Variants in RAP1A observed in about 807,000 individuals in gnomAD.
RAP1A encodes ras-related protein Rap-1A.
In RAP1A, 6 loss-of-function variants were observed where a neutral mutation model predicts 26.4. The observed-to-expected ratio is 0.23, with a 90% CI of 0.12 to 0.45. RAP1A has a LOEUF of 0.45. Among genes scored for constraint, RAP1A ranks in the 20% least tolerant of loss-of-function variants. RAP1A has a pLI of 0.99. For missense variants in RAP1A, 121 were observed against 217.2 expected (o/e 0.56, Z 2.78); for synonymous variants, 73 against 79.4 (o/e 0.92, Z 0.43).
At chr1:111,662,955 G>A (rs1346490943) in intron 1 of RAP1A, among the ~76,000 whole-genome samples, 5 of 152,206 alleles carry the variant, frequency 3.3e-5, no homozygotes, top group Admixed American at 6.5e-5. Flanking sequence ...TTGCTCTGTC[G>A]CCAGGCTGGA....
chr1:111,648,797 CT>C, intron 1 of RAP1A: 1 of 659,300 alleles, frequency 1.5e-6, no homozygotes, highest in Non-Finnish European at 2.8e-6. Flanking sequence ...CCTGTCGATT[CT>C]TTCAAGCCAG....
At chr1:111,707,614 A>G (rs902786633) in intron 6 of RAP1A, among the ~76,000 whole-genome samples, 2 of 152,236 alleles carry the variant, frequency 1.3e-5, no homozygotes, top group Non-Finnish European at 2.9e-5. Context: ...TGTCCCTGTA[A>G]TGCTCCTTAA....
intron 7 of RAP1A, among the ~76,000 whole-genome samples, chr1:111,710,716 G>A: frequency 6.6e-6 from 1 of 152,182 alleles, no homozygotes; most frequent in East Asian, 1.9e-4. Flanking sequence ...GGTACATAGA[G>A]GAAAAATGGG....
chr1:111,665,575 CACTTT>C (rs1490516163), intron 1 of RAP1A, among the ~76,000 whole-genome samples: 1 of 152,142 alleles, frequency 6.6e-6, no homozygotes, highest in East Asian at 1.9e-4. Context: ...GAAGAATATT[CACTTT>C]ACTTAAGTAG....
intron 1 of RAP1A, among the ~76,000 whole-genome samples, chr1:111,578,527 C>G (rs1043476463): frequency 6.6e-6 from 1 of 151,928 alleles, no homozygotes; most frequent in Non-Finnish European, 1.5e-5. Context: ...TACATATGAA[C>G]TCACTACTAA....
intron 1 of RAP1A, among the ~76,000 whole-genome samples, chr1:111,624,201 A>G (rs1659319561): frequency 1.3e-5 from 2 of 152,194 alleles, no homozygotes; most frequent in African/African-American, 4.8e-5. Flanking sequence ...CTGATGTCAT[A>G]TAATTGCTGC....
intron 7 of RAP1A, among the ~76,000 whole-genome samples, chr1:111,710,781 C>T (rs1662360102): frequency 6.6e-6 from 1 of 152,224 alleles, no homozygotes; most frequent in African/African-American, 2.4e-5. Context: ...TTAGGAAAGA[C>T]AGCATCTGGC....
chr1:111,557,499 G>A (rs940622455), intron 1 of RAP1A, among the ~76,000 whole-genome samples: 8 of 150,780 alleles, frequency 5.3e-5, no homozygotes, highest in African/African-American at 1.7e-4. Context: ...GCAGTGAGCC[G>A]AGATCACACC....
intron 1 of RAP1A, chr1:111,627,418 T>G (rs1659433317): frequency 6.6e-6 from 1 of 152,146 alleles, no homozygotes; most frequent in Non-Finnish European, 1.5e-5. Context: ...GGACAGACAT[T>G]TTTTGTACAT....
At chr1:111,678,762 G>GTTTT (rs59251403) in intron 1 of RAP1A, among the ~76,000 whole-genome samples, 1 of 145,736 alleles carries the variant, frequency 6.9e-6, no homozygotes, top group African/African-American at 2.5e-5. Context: ...GTTCAGGTGG[G>GTTTT]TTTTTTTTTT....
intron 1 of RAP1A, among the ~76,000 whole-genome samples, chr1:111,686,112 C>T (rs986544492): frequency 1.2e-4 from 9 of 77,268 alleles, no homozygotes; most frequent in African/African-American, 4.6e-4. Flanking sequence ...GGTCACACGC[C>T]GGGGCCTGTC....
chr1:111,668,050 T>C (rs1660853566), intron 1 of RAP1A, among the ~76,000 whole-genome samples: 1 of 152,238 alleles, frequency 6.6e-6, no homozygotes, highest in Non-Finnish European at 1.5e-5. Flanking sequence ...TCACAAATGT[T>C]GGCACTAAGT....
At chr1:111,570,257 T>C (rs1050264457) in intron 1 of RAP1A, among the ~76,000 whole-genome samples, 2 of 152,198 alleles carry the variant, frequency 1.3e-5, no homozygotes, top group African/African-American at 4.8e-5. Context: ...TCCTATTGTC[T>C]GTGTGCCTGA....
intron 4 of RAP1A, among the ~76,000 whole-genome samples, chr1:111,699,488 G>C (rs1295315081): frequency 7.9e-6 from 1 of 126,060 alleles, no homozygotes; most frequent in Non-Finnish European, 1.6e-5. Context: ...TTGAAACAGG[G>C]TCTCTCTCTG....
intron 1 of RAP1A, among the ~76,000 whole-genome samples, chr1:111,590,642 C>T (rs1292814855): frequency 6.7e-6 from 1 of 148,186 alleles, no homozygotes; most frequent in East Asian, 2.0e-4. Context: ...CCAGGTTGGT[C>T]TTGAACTCCT....
At chr1:111,622,557 C>T (rs1401059496) in intron 1 of RAP1A, among the ~76,000 whole-genome samples, 1 of 152,212 alleles carries the variant, frequency 6.6e-6, no homozygotes, top group Admixed American at 6.5e-5. Flanking sequence ...TATCCTCTCA[C>T]CCTACCTTAT....
intron 1 of RAP1A, among the ~76,000 whole-genome samples, chr1:111,608,939 G>T (rs146044657): frequency 6.6e-6 from 1 of 152,220 alleles, no homozygotes. Context: ...GCTGAGTTCT[G>T]CTGAGCTGAC....
In RAP1A at chr1:111,704,343, G is replaced by T. The variant is rs1270324060; in HGVS notation, c.325G>T (p.Val109Phe). The change falls in exon 6 of 8, where the codon GTT becomes TTT. Residue 109 changes from valine to phenylalanine, a missense_variant and splice_region_variant. Coordinates refer to ENST00000369709, the MANE Select transcript of RAP1A (RefSeq NM_002884.4). ...ATTTTACGTTTTTTTCTTCCCACAG[G>T]TTCCAATGATTTTGGTTGGCAATAA... ...QILRVKDTED[V>F]PMILVGNKCD... is the part of the protein sequence containing the mutation. The T allele has an allele frequency of 6.2e-7, 1 of 1,613,128 alleles. No individual in the cohort carries two copies. Among genetic ancestry groups the T allele is most frequent in the African/African-American group, 1.3e-5 (1 of 74,802 alleles).
At chr1:111,699,186 T>G (rs945356001) in intron 4 of RAP1A, among the ~76,000 whole-genome samples, 4 of 152,174 alleles carry the variant, frequency 2.6e-5, no homozygotes, top group Admixed American at 1.3e-4. Flanking sequence ...CCTTACACTT[T>G]GAAGATTTTT....
Sources: gnomAD v4.1 joint callset for allele counts (sites outside exome capture counted in the v4.1 genomes callset) on GRCh38, gnomAD v4.1.1 for gene constraint, MANE v1.5 for transcripts, NCBI Gene and HGNC (gene_info 2026-07-23, HGNC 2026-07-21) for gene names.